Variants in TCF7L2 observed in about 807,000 individuals in gnomAD.
TCF7L2 encodes transcription factor 7 like 2.
In TCF7L2, 23 loss-of-function variants were observed where a neutral mutation model predicts 77.9. That is an observed-to-expected ratio of 0.30 (90% CI 0.21 to 0.42). The LOEUF (loss-of-function observed/expected upper bound fraction) is 0.42, where lower values mean the gene tolerates loss of function less well. Among genes scored for constraint, TCF7L2 ranks in the 10% least tolerant of loss-of-function variants. The pLI, the probability that TCF7L2 is intolerant of heterozygous loss-of-function variation, is 1.00. For synonymous variants in TCF7L2, 413 were observed against 340.2 expected (o/e 1.21, Z -2.36); for missense variants, 654 against 793.1 (o/e 0.82, Z 2.11).
chr10:112,999,283 T>C (rs2044049424), intron 4 of TCF7L2, among the ~76,000 whole-genome samples: 1 of 152,262 alleles, frequency 6.6e-6, no homozygotes, highest in African/African-American at 2.4e-5. Context: ...TGTGGCTAAG[T>C]TTCCATGACC....
intron 4 of TCF7L2, among the ~76,000 whole-genome samples, chr10:113,015,121 G>A (rs1230255348): frequency 6.6e-6 from 1 of 152,170 alleles, no homozygotes; most frequent in Non-Finnish European, 1.5e-5. Context: ...ATGAGGTGGA[G>A]GTTGCAGTGA....
At chr10:113,000,868 G>A (rs1324326356) in intron 4 of TCF7L2, among the ~76,000 whole-genome samples, 1 of 152,096 alleles carries the variant, frequency 6.6e-6, no homozygotes, top group Non-Finnish European at 1.5e-5. Context: ...GATATGGTTG[G>A]GTCCTATTTC....
At position 113,144,125 on chromosome 10, in the gene TCF7L2, T is replaced by C. The variant is rs577145539; in HGVS notation, c.788+100T>C. The C allele has an allele frequency of 8.9e-5, 86 of 969,208 alleles. No homozygotes were observed. In the South Asian group the frequency reaches 1.5e-3, roughly 17 times the overall value. The allele number at this position is 969,208 out of a possible 1,614,324, so 60.0% of individuals were successfully genotyped here. A position where few individuals can be genotyped will look rare whatever the true frequency, so the allele number is the denominator to read the frequency against. ...CTGTGTGTGTGTGTGTGTGTGTGTG[T>C]GTGTGTGTGTGTATGTGTGTGTGTT... On this transcript the variant is annotated intron_variant, in intron 7 of 13. Transcript: ENST00000627217.
At chr10:113,013,378 C>G (rs2046793384) in intron 4 of TCF7L2, among the ~76,000 whole-genome samples, 1 of 152,164 alleles carries the variant, frequency 6.6e-6, no homozygotes, top group Admixed American at 6.5e-5. Flanking sequence ...CTTGACCTCC[C>G]AGAGTGCTGG....
At chr10:112,956,561 G>T (rs2033666499) in intron 3 of TCF7L2, among the ~76,000 whole-genome samples, 1 of 152,128 alleles carries the variant, frequency 6.6e-6, no homozygotes, top group South Asian at 2.1e-4. Context: ...TGTGATGTGG[G>T]CATCTGAGTT....
intron 4 of TCF7L2, among the ~76,000 whole-genome samples, chr10:112,989,240 A>G (rs2042099997): frequency 2.0e-5 from 3 of 151,932 alleles, no homozygotes; most frequent in Admixed American, 2.0e-4. Context: ...TTACTCTGGA[A>G]TTTCCCTCTC....
chr10:113,065,465 C>T lies in TCF7L2; in HGVS notation c.552+25339C>T, dbSNP rs1048095494. 6.6e-5 allele frequency among the ~76,000 whole-genome samples: 10 copies of T among 152,188 alleles called. No individual in the cohort carries two copies. The South Asian group carries it at 1.7e-3, about 25-fold the overall frequency. On this transcript the variant is annotated intron_variant, in intron 5 of 13. Coordinates refer to ENST00000627217, the MANE Select transcript of TCF7L2 (RefSeq NM_001146274.2). Reference sequence around the variant, plus strand: ...TTCAGTATATTGGACAAAGTAATTCCTGCTTCCAAACTCACACAGTATTTA... The same window carrying T: ...TTCAGTATATTGGACAAAGTAATTCTTGCTTCCAAACTCACACAGTATTTA...
chr10:113,106,136 A>T (rs2062285627), intron 5 of TCF7L2, among the ~76,000 whole-genome samples: 2 of 152,192 alleles, frequency 1.3e-5, no homozygotes, highest in South Asian at 4.1e-4. Context: ...GAGTGCACTG[A>T]GAATATTAAT....
At chr10:113,142,817 C>T (rs1417689570) in intron 6 of TCF7L2, among the ~76,000 whole-genome samples, 3 of 152,206 alleles carry the variant, frequency 2.0e-5, no homozygotes, top group Non-Finnish European at 4.4e-5. Context: ...ATATGATTAA[C>T]GTCTGTGGAC....
chr10:113,163,372 CA>C (rs1220639745), intron 13 of TCF7L2, among the ~76,000 whole-genome samples: 2 of 152,216 alleles, frequency 1.3e-5, no homozygotes, highest in African/African-American at 4.8e-5. Flanking sequence ...CCTAATATAG[CA>C]TGGAATGCTG....
chr10:113,117,847 GTTTCTGCTCCGCCACAAGTCCGAGGCGGT>G (rs2064078626), intron 5 of TCF7L2, among the ~76,000 whole-genome samples: 1 of 152,200 alleles, frequency 6.6e-6, no homozygotes, highest in African/African-American at 2.4e-5. Flanking sequence ...TGTAGCTGCT[GTTTCTGCTCCGCCACAAGTCCGAGGCGGT>G]TGTCTGGGGC....
At chr10:113,029,615 C>G (rs1225188228) in intron 4 of TCF7L2, among the ~76,000 whole-genome samples, 2 of 151,502 alleles carry the variant, frequency 1.3e-5, no homozygotes, top group Admixed American at 1.3e-4. Context: ...CAACCTCCAC[C>G]TCCTGGGTTC....
At chr10:113,058,623 G>A (rs139117889) in intron 5 of TCF7L2, among the ~76,000 whole-genome samples, 4 of 152,200 alleles carry the variant, frequency 2.6e-5, no homozygotes, top group African/African-American at 9.6e-5. Context: ...TAAGGGGTCT[G>A]AGGGGGGTTG....
chr10:113,142,310 A>C (rs1343397433), intron 6 of TCF7L2, among the ~76,000 whole-genome samples: 2 of 152,224 alleles, frequency 1.3e-5, no homozygotes. Context: ...TTTTTATCCC[A>C]GTTGTTCATT....
intron 5 of TCF7L2, among the ~76,000 whole-genome samples, chr10:113,114,598 A>G (rs999399635): frequency 5.9e-5 from 9 of 152,216 alleles, no homozygotes; most frequent in Non-Finnish European, 1.2e-4. Context: ...AATTGAATTA[A>G]TATATGTGAG....
At chr10:113,153,998 C>G (rs962181139) in intron 11 of TCF7L2, among the ~76,000 whole-genome samples, 1 of 152,236 alleles carries the variant, frequency 6.6e-6, no homozygotes, top group African/African-American at 2.4e-5. Context: ...AGACTGTGCT[C>G]CTCCTGGGAG....
intron 5 of TCF7L2, among the ~76,000 whole-genome samples, chr10:113,080,309 T>C (rs2059193803): frequency 6.6e-6 from 1 of 151,762 alleles, no homozygotes; most frequent in African/African-American, 2.4e-5. Flanking sequence ...ACACTGCAGA[T>C]ACATTACAAG....
intron 5 of TCF7L2, among the ~76,000 whole-genome samples, chr10:113,092,899 G>T (rs1199534811): frequency 6.6e-6 from 1 of 152,094 alleles, no homozygotes; most frequent in Non-Finnish European, 1.5e-5. Flanking sequence ...TAAGAATTTT[G>T]GTGATCTCTG....
At chr10:113,028,677 C>T (rs56299331) in intron 4 of TCF7L2, among the ~76,000 whole-genome samples, 22,857 of 152,174 alleles carry the variant, frequency 0.15, 2,090 homozygotes, top group Middle Eastern at 0.27. Context: ...GCTCTTTGAC[C>T]GCCAAGTCTT....
Sources: gnomAD v4.1 joint callset for allele counts (sites outside exome capture counted in the v4.1 genomes callset) on GRCh38, gnomAD v4.1.1 for gene constraint, MANE v1.5 for transcripts, NCBI Gene and HGNC (gene_info 2026-07-23, HGNC 2026-07-21) for gene names.